VPS13B: variants seen among roughly 807,000 people sequenced by gnomAD.
The protein encoded by VPS13B is vacuolar protein sorting 13 homolog B.
VPS13B carries 285 observed loss-of-function variants against 426.4 expected under a neutral mutation model. That is an observed-to-expected ratio of 0.67 (90% CI 0.61 to 0.74). The LOEUF (loss-of-function observed/expected upper bound fraction) is 0.74, where lower values mean the gene tolerates loss of function less well. Among genes scored for constraint, VPS13B ranks in the 30% least tolerant of loss-of-function variants. The probability of loss-of-function intolerance (pLI) is 0.00; values close to 1 mark genes in which losing one functional copy is unlikely to be tolerated. For synonymous variants in VPS13B, 1,676 were observed against 1,676.4 expected (o/e 1.00, Z 0.01); for missense variants, 4,537 against 4,782.6 (o/e 0.95, Z 1.51).
chr8:99,669,318 G>A (rs117062795), intron 35 of VPS13B, among the ~76,000 whole-genome samples: 1,537 of 152,072 alleles, frequency 0.01, 14 homozygotes, highest in Non-Finnish European at 0.013. Context: ...ACTGGAAATG[G>A]TGCAGATTTT....
intron 40 of VPS13B, among the ~76,000 whole-genome samples, chr8:99,771,402 T>G (rs948344915): frequency 1.3e-5 from 2 of 151,878 alleles, no homozygotes; most frequent in Admixed American, 6.6e-5. Context: ...TTTCTTCATG[T>G]GATAAAAATT....
At chr8:99,276,868 C>A (rs1818925779) in intron 19 of VPS13B, among the ~76,000 whole-genome samples, 1 of 152,032 alleles carries the variant, frequency 6.6e-6, no homozygotes, top group Admixed American at 6.6e-5. Context: ...AGAGATTAAT[C>A]TTTCTAGAAT....
At chr8:99,378,387 A>G (rs1449243883) in intron 19 of VPS13B, among the ~76,000 whole-genome samples, 3 of 152,156 alleles carry the variant, frequency 2.0e-5, no homozygotes, top group Admixed American at 2.0e-4. Context: ...CAATTTGTGC[A>G]GTTAAAGCAA....
At chr8:99,292,199 C>T (rs934674769) in intron 19 of VPS13B, among the ~76,000 whole-genome samples, 3 of 152,108 alleles carry the variant, frequency 2.0e-5, no homozygotes, top group African/African-American at 7.2e-5. Context: ...TTGTTGTTAA[C>T]AAAGCATGGC....
intron 30 of VPS13B, among the ~76,000 whole-genome samples, chr8:99,527,460 A>G (rs1209721691): frequency 6.6e-6 from 1 of 151,806 alleles, no homozygotes; most frequent in African/African-American, 2.4e-5. Context: ...CTGATAATCT[A>G]CCTGGTTTAT....
chr8:99,261,007 A>T (rs1347146283), intron 17 of VPS13B, among the ~76,000 whole-genome samples: 1 of 152,002 alleles, frequency 6.6e-6, no homozygotes, highest in Non-Finnish European at 1.5e-5. Context: ...TGAGAAGAAG[A>T]TACAGAGATT....
Position 99,096,359 on chromosome 8 carries a change from T to C in VPS13B, c.339T>C (p.Ala113=). The change falls in exon 4 of 62, where the codon GCT becomes GCC. Residue 113 remains alanine, a synonymous_variant. Transcript: ENST00000357162. ...CTAATTCTACCAACCGTAGTACTGC[T>C]GAGAGCACAAAATCATCAATCAAAC... ...CGSNSTNRST[A]ESTKSSIKPR... The C allele has an allele frequency of 6.2e-7, 1 of 1,614,154 alleles. No individual in the cohort carries two copies. Among genetic ancestry groups the C allele is most frequent in the Non-Finnish European group, 8.5e-7 (1 of 1,179,996 alleles).
chr8:99,871,806 C>A, intron 61 of VPS13B, 109 bp downstream of exon 61: 1 of 1,583,168 alleles, frequency 6.3e-7, no homozygotes, highest in Non-Finnish European at 8.6e-7. Context: ...GGAGTGGCTG[C>A]TGGAGACCAA....
At chr8:99,283,399 C>T (rs1009586576) in intron 19 of VPS13B, among the ~76,000 whole-genome samples, 1 of 152,154 alleles carries the variant, frequency 6.6e-6, no homozygotes, top group Admixed American at 6.6e-5. Flanking sequence ...TCCCACTGGG[C>T]TTTTGGTGCA....
intron 19 of VPS13B, among the ~76,000 whole-genome samples, chr8:99,358,931 T>A (rs1213113205): frequency 1.3e-5 from 2 of 152,246 alleles, no homozygotes; most frequent in Non-Finnish European, 2.9e-5. Context: ...TGTAAGATCT[T>A]GCCTATTATA....
intron 39 of VPS13B, among the ~76,000 whole-genome samples, chr8:99,736,583 A>G (rs1293648975): frequency 6.6e-6 from 1 of 152,144 alleles, no homozygotes; most frequent in Non-Finnish European, 1.5e-5. Flanking sequence ...CCAAACAAAC[A>G]AAAACAACAA....
chr8:99,371,243 T>A (rs1813163643), intron 19 of VPS13B, among the ~76,000 whole-genome samples: 1 of 152,210 alleles, frequency 6.6e-6, no homozygotes, highest in South Asian at 2.1e-4. Flanking sequence ...CTATGGGAAA[T>A]TTTTAATATT....
chr8:99,425,288 C>T (rs1816630222), intron 21 of VPS13B, among the ~76,000 whole-genome samples: 1 of 152,150 alleles, frequency 6.6e-6, no homozygotes, highest in Admixed American at 6.6e-5. Flanking sequence ...ACCAATATCC[C>T]TGATGAACAT....
intron 21 of VPS13B, among the ~76,000 whole-genome samples, chr8:99,419,012 C>T (rs1436377571): frequency 6.6e-6 from 1 of 152,188 alleles, no homozygotes; most frequent in Non-Finnish European, 1.5e-5. Context: ...TCTCAGGGAA[C>T]CTTGACTTCT....
chr8:99,617,475 C>T (rs1379437796), intron 33 of VPS13B, among the ~76,000 whole-genome samples: 1 of 152,062 alleles, frequency 6.6e-6, no homozygotes, highest in Non-Finnish European at 1.5e-5. Context: ...TATGGGCACG[C>T]ATCACCACGC....
At chr8:99,073,475 ATT>A (rs1305902384) in intron 3 of VPS13B, among the ~76,000 whole-genome samples, 11 of 151,850 alleles carry the variant, frequency 7.2e-5, no homozygotes, top group Admixed American at 6.6e-4. Context: ...TAGATATTTA[ATT>A]TTTTTGTAGC....
chr8:99,759,166 T>A (rs141292976), intron 39 of VPS13B, among the ~76,000 whole-genome samples: 1 of 152,158 alleles, frequency 6.6e-6, no homozygotes, highest in South Asian at 2.1e-4. Flanking sequence ...AAACCCTACG[T>A]TGATCTCATA....
At chr8:99,116,823 T>C (rs1291916346) in intron 7 of VPS13B, among the ~76,000 whole-genome samples, 1 of 152,206 alleles carries the variant, frequency 6.6e-6, no homozygotes, top group Non-Finnish European at 1.5e-5. Flanking sequence ...AAAAGTTCAC[T>C]TAAGTTGAAT....
intron 39 of VPS13B, among the ~76,000 whole-genome samples, chr8:99,722,918 T>C (rs986762518): frequency 1.4e-4 from 22 of 152,246 alleles, no homozygotes; most frequent in African/African-American, 5.3e-4. Context: ...GCTAAAGGTT[T>C]ATAGTTATAG....
Sources: gnomAD v4.1 joint callset for allele counts (sites outside exome capture counted in the v4.1 genomes callset) on GRCh38, gnomAD v4.1.1 for gene constraint, MANE v1.5 for transcripts, NCBI Gene and HGNC (gene_info 2026-07-23, HGNC 2026-07-21) for gene names.